Variants in IL1RAPL1 observed in about 807,000 individuals in gnomAD.
The protein encoded by IL1RAPL1 is interleukin-1 receptor accessory protein-like 1.
A neutral mutation model predicts 48.4 loss-of-function variants in IL1RAPL1; 3 were observed. The ratio of observed to expected loss-of-function variants is 0.06; its 90% CI spans 0.03 to 0.16. IL1RAPL1 has a LOEUF of 0.16. IL1RAPL1 is among the 10% of genes least tolerant of loss of function. The pLI, the probability that IL1RAPL1 is intolerant of heterozygous loss-of-function variation, is 1.00. For missense variants in IL1RAPL1, 349 were observed against 530.6 expected (o/e 0.66, Z 3.36); for synonymous variants, 185 against 187.7 (o/e 0.99, Z 0.12).
At chrX:29,661,206 T>A (rs758381254) in intron 5 of IL1RAPL1, among the ~76,000 whole-genome samples, 10 of 112,816 alleles carry the variant, frequency 8.9e-5, no homozygotes, top group Admixed American at 1.9e-4. Flanking sequence ...TTATCAAATC[T>A]AAGAGTTTTT....
intron 5 of IL1RAPL1, among the ~76,000 whole-genome samples, chrX:29,600,346 G>C (rs1438859876): frequency 8.9e-6 from 1 of 111,997 alleles, no homozygotes; most frequent in Non-Finnish European, 1.9e-5. Flanking sequence ...GTACTGGGGA[G>C]TGTCTGCAAA....
At chrX:28,601,256 T>TA (rs1295734503) in intron 1 of IL1RAPL1, among the ~76,000 whole-genome samples, 1 of 110,459 alleles carries the variant, frequency 9.1e-6, no homozygotes, top group Non-Finnish European at 1.9e-5. Flanking sequence ...CTGTCTTTAC[T>TA]AAAAAAATAC....
chrX:28,890,359 T>C (rs898057761), intron 2 of IL1RAPL1, among the ~76,000 whole-genome samples: 1 of 111,448 alleles, frequency 9.0e-6, no homozygotes, highest in Non-Finnish European at 1.9e-5. Context: ...TATTAAAGTG[T>C]GTTTGAGTTT....
chrX:29,679,948 C>T (rs1307216426), intron 6 of IL1RAPL1, among the ~76,000 whole-genome samples: 1 of 111,728 alleles, frequency 9.0e-6, no homozygotes, highest in Non-Finnish European at 1.9e-5. Flanking sequence ...TGTGCATGAC[C>T]TAAAATAGAG....
intron 6 of IL1RAPL1, among the ~76,000 whole-genome samples, chrX:29,915,310 G>A (rs191636895): frequency 1.2e-4 from 13 of 111,452 alleles, no homozygotes; most frequent in East Asian, 5.7e-4. Flanking sequence ...GTTTAGGGGC[G>A]GGGGAGGAAT....
chrX:28,927,988 C>T (rs113822879), intron 2 of IL1RAPL1, among the ~76,000 whole-genome samples: 2 of 110,329 alleles, frequency 1.8e-5, no homozygotes, highest in Non-Finnish European at 1.9e-5. Flanking sequence ...AGGCTTTTTT[C>T]CCCTCAAACA....
chrX:28,793,009 A>G (rs747351208), intron 2 of IL1RAPL1, among the ~76,000 whole-genome samples: 1 of 105,029 alleles, frequency 9.5e-6, no homozygotes, highest in African/African-American at 3.5e-5. Flanking sequence ...AGTTGTGCCT[A>G]CATTTAGAAT....
chrX:29,850,119 C>T (rs1931332965), intron 6 of IL1RAPL1, among the ~76,000 whole-genome samples: 1 of 112,014 alleles, frequency 8.9e-6, no homozygotes, highest in African/African-American at 3.2e-5. Context: ...TGAGTGTAGT[C>T]CCTTGGGAAA....
chrX:29,141,210 T>TTATA (rs755523966), intron 2 of IL1RAPL1, among the ~76,000 whole-genome samples: 7 of 107,126 alleles, frequency 6.5e-5, no homozygotes, highest in Admixed American at 1.0e-4. Context: ...TATTATGAGA[T>TTATA]TATATATATA....
At chrX:29,952,637 A>G (rs2147257558) in intron 9 of IL1RAPL1, among the ~76,000 whole-genome samples, 1 of 111,859 alleles carries the variant, frequency 8.9e-6, no homozygotes, top group South Asian at 3.7e-4. Context: ...TGGTACAATT[A>G]TAGATTGTAC....
chrX:29,077,618 A>AG (rs1555960263), intron 2 of IL1RAPL1, among the ~76,000 whole-genome samples: 1 of 104,674 alleles, frequency 9.6e-6, no homozygotes, highest in Admixed American at 1.0e-4. Context: ...GAAAAAAAAA[A>AG]AAAAGAAAAA....
intron 3 of IL1RAPL1, among the ~76,000 whole-genome samples, chrX:29,301,605 A>G (rs1417196085): frequency 1.8e-5 from 2 of 112,035 alleles, no homozygotes; most frequent in East Asian, 2.8e-4. Context: ...CTGAAATGTT[A>G]TCTTCCGTTT....
intron 5 of IL1RAPL1, among the ~76,000 whole-genome samples, chrX:29,501,836 T>A (rs1203069276): frequency 9.2e-6 from 1 of 108,371 alleles, no homozygotes; most frequent in Non-Finnish European, 1.9e-5. Context: ...AATTTTAAGT[T>A]TTTTTCTATT....
At chrX:28,665,990 T>TGGCCCACGCA (rs921648072) in intron 1 of IL1RAPL1, among the ~76,000 whole-genome samples, 1 of 111,952 alleles carries the variant, frequency 8.9e-6, no homozygotes, top group African/African-American at 3.2e-5. Context: ...TGGCCTACAC[T>TGGCCCACGCA]GGCCCACGCA....
rs57781151 is a variant in IL1RAPL1 at position 28,625,768 on chromosome X, GTT to G, written c.-25+37724_-25+37725del. Among the ~76,000 whole-genome samples, 4 of 109,408 alleles carry G rather than the reference GTT, an allele frequency of 3.7e-5. No homozygotes were observed. In the South Asian group the frequency reaches 1.6e-3, roughly 43 times the overall value. On this transcript the variant is annotated intron_variant, in intron 1 of 10. Transcript: ENST00000378993. The stretch of plus-strand genomic sequence containing the variant: ...TGTGTGTGTGTGTGTGTGTGTGTGT[GTT>G]TTACCAAGAATCTATATAGGTGCTT...
intron 6 of IL1RAPL1, among the ~76,000 whole-genome samples, chrX:29,906,680 C>CCCTAATATTTT (rs1932639640): frequency 9.5e-6 from 1 of 105,353 alleles, no homozygotes; most frequent in Non-Finnish European, 1.9e-5. Flanking sequence ...ACAGGACCTG[C>CCCTAATATTTT]CCTAATATTT....
chrX:29,867,939 C>T, intron 6 of IL1RAPL1, among the ~76,000 whole-genome samples: 1 of 112,268 alleles, frequency 8.9e-6, no homozygotes, highest in East Asian at 2.8e-4. Flanking sequence ...ATACCTAAGA[C>T]AGCTTATTTG....
chrX:28,727,714 T>C (rs1183222996), intron 1 of IL1RAPL1, among the ~76,000 whole-genome samples: 2 of 109,175 alleles, frequency 1.8e-5, no homozygotes, highest in Admixed American at 2.0e-4. Context: ...ATCCCATCAA[T>C]ACCTAATTTA....
At chrX:28,792,542 CT>C (rs144466187) in intron 2 of IL1RAPL1, among the ~76,000 whole-genome samples, 45,149 of 105,025 alleles carry the variant, frequency 0.43, 7,565 homozygotes, top group Middle Eastern at 0.62. Context: ...AATCCCAGCA[CT>C]TTGGGAGGCC....
Sources: allele counts gnomAD v4.1 joint callset (sites outside exome capture counted in the v4.1 genomes callset), GRCh38; gene constraint gnomAD v4.1.1; transcripts MANE v1.5; gene names NCBI Gene and HGNC (gene_info 2026-07-23, HGNC 2026-07-21).